The following STXBP6 variants were observed in gnomAD, a reference collection of about 807,000 sequenced individuals.
The protein encoded by STXBP6 is syntaxin-binding protein 6.
Under a neutral mutation model 26.9 loss-of-function variants are expected in STXBP6, and 21 were observed. The observed-to-expected ratio is 0.78, with a 90% CI of 0.55 to 1.12. STXBP6 has a LOEUF of 1.12. STXBP6 is among the 50% of genes most tolerant of loss of function. STXBP6 has a pLI of 0.00. For synonymous variants in STXBP6, 97 were observed against 92.6 expected (o/e 1.05, Z -0.27); for missense variants, 232 against 257.9 (o/e 0.90, Z 0.69).
At position 24,864,193 on chromosome 14, in the gene STXBP6, G is replaced by A. The variant is rs573328171; in HGVS notation, c.155-7036C>T. Reference sequence around the variant, plus strand: ...CAAAAAACAAAGGCTTCAAAGTCACGGCCAACTGACTCAAGAATGTATTAA... The same window carrying A: ...CAAAAAACAAAGGCTTCAAAGTCACAGCCAACTGACTCAAGAATGTATTAA... On this transcript the variant is annotated intron_variant, in intron 2 of 5. Coordinates refer to ENST00000323944, the MANE Select transcript of STXBP6 (RefSeq NM_001394410.1). Among the ~76,000 whole-genome samples the A allele has an allele frequency of 7.9e-5, 12 of 152,230 alleles. No individual in the cohort carries two copies. In the South Asian group the frequency reaches 2.3e-3, roughly 29 times the overall value.
At chr14:24,818,741 G>A (rs554732151) in intron 5 of STXBP6, among the ~76,000 whole-genome samples, 255 of 152,192 alleles carry the variant, frequency 1.7e-3, no homozygotes, top group African/African-American at 5.6e-3. Context: ...TCTGTGCCTC[G>A]ATACTTGAGC....
chr14:25,026,432 G>A (rs548912219), intron 1 of STXBP6, among the ~76,000 whole-genome samples: 5 of 152,232 alleles, frequency 3.3e-5, no homozygotes, highest in South Asian at 2.1e-4. Flanking sequence ...AATATGGTAC[G>A]TACACCTTAT....
intron 2 of STXBP6, among the ~76,000 whole-genome samples, chr14:24,889,179 G>GAGCCA (rs1482416481): frequency 6.6e-6 from 1 of 151,528 alleles, no homozygotes; most frequent in Admixed American, 6.6e-5. Flanking sequence ...TCTTAAATAT[G>GAGCCA]AGCCAACCAC....
At chr14:24,849,956 G>T (rs1296440062) in intron 4 of STXBP6, among the ~76,000 whole-genome samples, 1 of 152,120 alleles carries the variant, frequency 6.6e-6, no homozygotes, top group African/African-American at 2.4e-5. Context: ...GTTGCAGCAT[G>T]TGTAGGAGTG....
At chr14:25,042,609 A>G (rs913775327) in intron 1 of STXBP6, among the ~76,000 whole-genome samples, 2 of 152,052 alleles carry the variant, frequency 1.3e-5, no homozygotes, top group African/African-American at 4.8e-5. Flanking sequence ...TGGTAGAGCT[A>G]TGTTTCACAC....
chr14:24,854,522 T>C (rs760511539), intron 4 of STXBP6, among the ~76,000 whole-genome samples: 1 of 152,108 alleles, frequency 6.6e-6, no homozygotes, highest in African/African-American at 2.4e-5. Flanking sequence ...AAATGCTTCA[T>C]AGCAGGAATT....
intron 1 of STXBP6, among the ~76,000 whole-genome samples, chr14:25,011,935 G>A (rs376015285): frequency 3.3e-5 from 5 of 152,286 alleles, no homozygotes; most frequent in African/African-American, 1.2e-4. Flanking sequence ...ACTACATTTT[G>A]AATTTCCTAC....
chr14:25,021,795 T>C (rs1310214554), intron 1 of STXBP6, among the ~76,000 whole-genome samples: 3 of 152,222 alleles, frequency 2.0e-5, no homozygotes, highest in Non-Finnish European at 4.4e-5. Context: ...TTTCATTCTA[T>C]ACAAGGGGTC....
Position 24,812,776 on chromosome 14 carries a change from G to A in STXBP6, c.610-44C>T, listed in dbSNP as rs561219456. ...GAGAAAAGTAAGACTTTATTAGCAGGTATTAGCAGAGAGATTTCACTGTGC... is the reference window on the plus strand; with the variant it reads ...GAGAAAAGTAAGACTTTATTAGCAGATATTAGCAGAGAGATTTCACTGTGC... On this transcript the variant is annotated intron_variant, in intron 5 of 5. Transcript: ENST00000323944. The A allele has an allele frequency of 9.4e-6, 15 of 1,602,914 alleles. No individual in the cohort carries two copies. In the Admixed American group the frequency reaches 1.2e-4, roughly 12 times the overall value.
chr14:24,819,202 G>A lies in STXBP6; in HGVS notation c.452-8C>T. ...AATGGAGGATGCTGTTTCCTGAAAG[G>A]AGGAGAGCAGGAGCATCAGAAACTG... On this transcript the variant is annotated splice_region_variant and splice_polypyrimidine_tract_variant and intron_variant, in intron 4 of 5. Transcript: ENST00000323944. 2.5e-6 allele frequency: 4 copies of A among 1,613,946 alleles called. No individual in the cohort carries two copies. The highest frequency in any genetic ancestry group is 3.4e-6 in the Non-Finnish European group (4 of 1,180,016).
chr14:24,859,964 C>T (rs2069475168), intron 2 of STXBP6, among the ~76,000 whole-genome samples: 1 of 152,208 alleles, frequency 6.6e-6, no homozygotes, highest in African/African-American at 2.4e-5. Context: ...GAAAAAACAA[C>T]ATGGTTTTCA....
intron 1 of STXBP6, among the ~76,000 whole-genome samples, chr14:25,002,359 C>CTTTTTTTTTTTTTTTCTTTTTTTTTTTT (rs1365586543): frequency 8.2e-6 from 1 of 121,356 alleles, no homozygotes; most frequent in African/African-American, 3.4e-5. Flanking sequence ...ATTCTTATGA[C>CTTTTTTTTTTTTTTTCTTTTTTTTTTTT]TTTTTTTTTT....
In STXBP6 at chr14:25,049,965, G is replaced by A. The variant is rs2075781329; in HGVS notation, c.-120C>T. On this transcript the variant is annotated 5_prime_UTR_variant, in exon 1 of 6. Transcript: ENST00000323944. This position sits in a 1 kb window ranked among gnomAD's most constrained non-coding sequence, Gnocchi z 5.6. Reference sequence around the variant, plus strand: ...TCCTCCCCGGGGGGCTGCCCCGCGCGGGGCTCCGGGCTCCGGACAAGGCTT... The same window carrying A: ...TCCTCCCCGGGGGGCTGCCCCGCGCAGGGCTCCGGGCTCCGGACAAGGCTT... 7 of 725,440 alleles carry A rather than the reference G, an allele frequency of 9.6e-6. No homozygotes were observed. The highest frequency in any genetic ancestry group is 1.2e-5 in the Non-Finnish European group (7 of 593,696). 44.9% of individuals were successfully genotyped at this position (725,440 alleles called of 1,614,324 possible).
In STXBP6 at chr14:24,975,178, C is replaced by A. The variant is rs149697605; in HGVS notation, c.-32-328G>T. On this transcript the variant is annotated intron_variant, in intron 1 of 5. Coordinates refer to ENST00000323944, the MANE Select transcript of STXBP6 (RefSeq NM_001394410.1). ...CTCTAACTGGCAAGCAGTACCCACT[C>A]TATTCCTGTTCTGTAAGAAACATAT... Among the ~76,000 whole-genome samples the A allele has an allele frequency of 2.6e-5, 4 of 152,314 alleles. No individual in the cohort carries two copies. The South Asian group carries it at 8.3e-4, about 32-fold the overall frequency.
At chr14:24,995,958 A>T (rs1029404697) in intron 1 of STXBP6, among the ~76,000 whole-genome samples, 5 of 152,298 alleles carry the variant, frequency 3.3e-5, no homozygotes, top group Middle Eastern at 3.4e-3. Flanking sequence ...TCAGAACTCA[A>T]ATGGAAAGAA....
chr14:24,890,054 AGGTATTGC>A (rs1184998144), intron 2 of STXBP6, among the ~76,000 whole-genome samples: 2 of 152,248 alleles, frequency 1.3e-5, no homozygotes, highest in African/African-American at 4.8e-5. Context: ...AGGGAGTCAT[AGGTATTGC>A]TATGGACTGC....
At chr14:25,032,275 G>A (rs2075472373) in intron 1 of STXBP6, among the ~76,000 whole-genome samples, 1 of 152,138 alleles carries the variant, frequency 6.6e-6, no homozygotes. Flanking sequence ...TTTAAGGTTG[G>A]TGGTGAGTTC....
intron 2 of STXBP6, among the ~76,000 whole-genome samples, chr14:24,940,342 G>A (rs1165650316): frequency 1.3e-5 from 2 of 152,136 alleles, no homozygotes; most frequent in African/African-American, 4.8e-5. Context: ...ATGAGAGAGG[G>A]CAAAATACAA....
chr14:24,986,534 AG>A (rs370957671), intron 1 of STXBP6, among the ~76,000 whole-genome samples: 63 of 152,334 alleles, frequency 4.1e-4, no homozygotes, highest in Middle Eastern at 6.8e-3. Flanking sequence ...AGCCTGGATC[AG>A]CTGTTGACAG....
Sources: allele counts gnomAD v4.1 joint callset (sites outside exome capture counted in the v4.1 genomes callset), GRCh38; gene constraint gnomAD v4.1.1; non-coding constraint Gnocchi (gnomAD v3.1); transcripts MANE v1.5; gene names NCBI Gene and HGNC (gene_info 2026-07-23, HGNC 2026-07-21).